LUC7L2: variants seen among roughly 807,000 people sequenced by gnomAD.
LUC7L2 encodes putative RNA-binding protein Luc7-like 2.
A neutral mutation model predicts 52.8 loss-of-function variants in LUC7L2; 25 were observed. The observed-to-expected ratio is 0.47, with a 90% CI of 0.34 to 0.66. The LOEUF (loss-of-function observed/expected upper bound fraction) is 0.66, where lower values mean the gene tolerates loss of function less well. Ranked by LOEUF, LUC7L2 falls within the 30% of genes least tolerant of loss-of-function variation. The pLI is 0.01. For missense variants in LUC7L2, 328 were observed against 497.8 expected, an observed-to-expected ratio of 0.66 and a Z score of 3.25; for synonymous variants, 144 against 160.9, an observed-to-expected ratio of 0.89 and a Z score of 0.80.
At chr7:139,340,720 A>G (rs1339059422) in intron 1 of LUC7L2, 2 of 386,630 alleles carry the variant, frequency 5.2e-6, no homozygotes, top group Admixed American at 4.5e-5. Flanking sequence ...CCTAATGGAT[A>G]AGGCATTGGC....
intron 2 of LUC7L2, among the ~76,000 whole-genome samples, chr7:139,390,412 A>G (rs1279559099): frequency 6.6e-6 from 1 of 151,414 alleles, no homozygotes; most frequent in African/African-American, 2.4e-5. Flanking sequence ...TATTTTTAGT[A>G]GAGATGGGGT....
chr7:139,395,460 C>G (rs1794619122), intron 2 of LUC7L2, among the ~76,000 whole-genome samples: 1 of 152,254 alleles, frequency 6.6e-6, no homozygotes, highest in Middle Eastern at 3.4e-3. Context: ...CTGGAAAAAT[C>G]TCAGCATGCT....
intron 2 of LUC7L2, among the ~76,000 whole-genome samples, chr7:139,388,704 T>C (rs776833980): frequency 6.6e-6 from 1 of 151,070 alleles, no homozygotes; most frequent in Non-Finnish European, 1.5e-5. Context: ...AATCATCTTG[T>C]CCAGAACAAG....
At chr7:139,345,831 G>T in intron 1 of LUC7L2, 1 of 1,012,758 alleles carries the variant, frequency 9.9e-7, no homozygotes, top group Non-Finnish European at 1.4e-6. Flanking sequence ...TAGTTCTTAG[G>T]GGAATTAACT....
At chr7:139,374,919 A>C in intron 1 of LUC7L2, 20 of 991,876 alleles carry the variant, frequency 2.0e-5, no homozygotes, top group Non-Finnish European at 2.4e-5. Context: ...CACATCCTAC[A>C]CGAAAGTTTT....
intron 3 of LUC7L2, among the ~76,000 whole-genome samples, chr7:139,401,539 G>C (rs568821794): frequency 6.6e-6 from 1 of 152,164 alleles, no homozygotes; most frequent in Admixed American, 6.5e-5. Flanking sequence ...TGCAACCTCA[G>C]CCTCCCAGGT....
chr7:139,384,168 G>T (rs1024059001), intron 2 of LUC7L2, among the ~76,000 whole-genome samples: 2 of 152,032 alleles, frequency 1.3e-5, no homozygotes, highest in African/African-American at 4.8e-5. Context: ...GGCTGCCTTG[G>T]TATTATTTAA....
Position 139,423,450 on chromosome 7 carries a change from A to G in LUC7L2, c.*1110A>G. The G allele has an allele frequency of 2.5e-6, 1 of 398,886 alleles. No homozygotes were observed. Among genetic ancestry groups the G allele is most frequent in the Non-Finnish European group, 4.4e-6 (1 of 226,056 alleles). 24.7% of individuals were successfully genotyped at this position (398,886 alleles called of 1,614,324 possible). A position where few individuals can be genotyped will look rare whatever the true frequency, so the allele number is the denominator to read the frequency against. On this transcript the variant is annotated 3_prime_UTR_variant, in exon 10 of 10. Coordinates refer to ENST00000354926, the MANE Select transcript of LUC7L2 (RefSeq NM_016019.5). ...AACCCAAATAAAAACAGTATATGTA[A>G]CCAACATAATGAGACTTAAGTTTCT...
At chr7:139,386,781 C>T (rs2131246285) in intron 2 of LUC7L2, among the ~76,000 whole-genome samples, 1 of 152,140 alleles carries the variant, frequency 6.6e-6, no homozygotes, top group Middle Eastern at 3.4e-3. Context: ...GATTCTTACT[C>T]ATTAAGGGAA....
At chr7:139,391,185 A>C (rs974409360) in intron 2 of LUC7L2, among the ~76,000 whole-genome samples, 2 of 152,186 alleles carry the variant, frequency 1.3e-5, no homozygotes, top group East Asian at 3.9e-4. Flanking sequence ...TTTGGTGTAC[A>C]CTGTGGCAGT....
intron 2 of LUC7L2, 82 bp from the exon 3 acceptor site, chr7:139,398,517 A>G: frequency 8.9e-7 from 1 of 1,126,034 alleles, no homozygotes; most frequent in Non-Finnish European, 1.2e-6. Context: ...CTTAATATGT[A>G]TTCTGACAAG....
At chr7:139,406,618 T>C (rs942591169) in intron 5 of LUC7L2, among the ~76,000 whole-genome samples, 3 of 152,058 alleles carry the variant, frequency 2.0e-5, no homozygotes, top group Non-Finnish European at 4.4e-5. Context: ...CCTCCCAAAG[T>C]GCTGGGATTA....
intron 5 of LUC7L2, among the ~76,000 whole-genome samples, chr7:139,406,569 G>A (rs1412002584): frequency 2.6e-5 from 4 of 151,824 alleles, no homozygotes; most frequent in Non-Finnish European, 5.9e-5. Context: ...GGCCAGGCTG[G>A]TCTTGAACTC....
At chr7:139,364,333 G>A (rs960224335) in intron 1 of LUC7L2, among the ~76,000 whole-genome samples, 1 of 152,066 alleles carries the variant, frequency 6.6e-6, no homozygotes, top group Non-Finnish European at 1.5e-5. Flanking sequence ...TTAAATGGGA[G>A]CAGAGACCAC....
intron 8 of LUC7L2, 71 bp downstream of exon 8, chr7:139,412,651 T>G: frequency 6.6e-7 from 1 of 1,524,238 alleles, no homozygotes. Flanking sequence ...TATAGATTGA[T>G]TAAATGGTCC....
intron 6 of LUC7L2, 106 bp from the exon 7 acceptor site, chr7:139,409,457 T>G: frequency 7.8e-7 from 1 of 1,280,792 alleles, no homozygotes; most frequent in Non-Finnish European, 1.0e-6. Context: ...AAACAGATTT[T>G]GACAGCAGTT....
chr7:139,405,890 T>G, intron 5 of LUC7L2, 103 bp downstream of exon 5: 1 of 1,378,576 alleles, frequency 7.3e-7, no homozygotes, highest in East Asian at 2.7e-5. Flanking sequence ...TAAGAACATG[T>G]ATTTGAATGG....
At chr7:139,380,570 A>T (rs1449249723) in intron 2 of LUC7L2, among the ~76,000 whole-genome samples, 1 of 152,240 alleles carries the variant, frequency 6.6e-6, no homozygotes, top group Non-Finnish European at 1.5e-5. Flanking sequence ...ACTGCACTCC[A>T]GCCTGAGCAA....
intron 2 of LUC7L2, among the ~76,000 whole-genome samples, chr7:139,376,850 G>A (rs922528021): frequency 5.3e-5 from 8 of 152,262 alleles, no homozygotes; most frequent in East Asian, 1.9e-4. Context: ...GCTAAACCTC[G>A]AGCTGGCTTT....
Sources: gnomAD v4.1 joint callset for allele counts (sites outside exome capture counted in the v4.1 genomes callset) on GRCh38, gnomAD v4.1.1 for gene constraint, MANE v1.5 for transcripts, NCBI Gene and HGNC (gene_info 2026-07-23, HGNC 2026-07-21) for gene names.